Variants in XXYLT1 observed in about 807,000 individuals in gnomAD.
XXYLT1 encodes the protein UDP-xylose:alpha-xyloside alpha-1,3-xylosyltransferase.
Under a neutral mutation model 28.9 loss-of-function variants are expected in XXYLT1, and 20 were observed. The observed-to-expected ratio is 0.69, with a 90% CI of 0.49 to 1.00. The LOEUF (loss-of-function observed/expected upper bound fraction) is 1.00, where lower values mean the gene tolerates loss of function less well. XXYLT1 is among the 50% of genes least tolerant of loss of function. XXYLT1 has a pLI of 0.00. For synonymous variants in XXYLT1, 257 were observed against 253.8 expected, an observed-to-expected ratio of 1.01 and a Z score of -0.12; for missense variants, 542 against 560.1, an observed-to-expected ratio of 0.97 and a Z score of 0.33.
chr3:195,143,863 TAGATATAGATATATA>T (rs1560117255), intron 3 of XXYLT1, among the ~76,000 whole-genome samples: 4 of 98,398 alleles, frequency 4.1e-5, no homozygotes, highest in African/African-American at 8.0e-5. Context: ...TAGATATATA[TAGATATAGATATATA>T]TATATATATA....
At chr3:195,205,584 C>T (rs1560151343) in intron 2 of XXYLT1, among the ~76,000 whole-genome samples, 1 of 152,132 alleles carries the variant, frequency 6.6e-6, no homozygotes, top group African/African-American at 2.4e-5. Flanking sequence ...CTATCCTGGC[C>T]GGGCACGGTA....
At chr3:195,137,867 C>T (rs1342565234) in intron 3 of XXYLT1, among the ~76,000 whole-genome samples, 1 of 152,100 alleles carries the variant, frequency 6.6e-6, no homozygotes, top group Non-Finnish European at 1.5e-5. Context: ...GGTCATAAAC[C>T]CTTGCAGGTC....
At chr3:195,160,808 C>T (rs932005476) in intron 2 of XXYLT1, among the ~76,000 whole-genome samples, 1 of 152,216 alleles carries the variant, frequency 6.6e-6, no homozygotes, top group African/African-American at 2.4e-5. Context: ...CGCCCCGCGA[C>T]GCACAGACCC....
intron 3 of XXYLT1, among the ~76,000 whole-genome samples, chr3:195,112,034 A>ATAGT (rs1717745750): frequency 6.6e-6 from 1 of 152,204 alleles, no homozygotes; most frequent in East Asian, 1.9e-4. Context: ...ATCGCTGCAG[A>ATAGT]AATGTGCAAA....
Position 195,270,898 on chromosome 3 carries a change from C to T in XXYLT1, c.161G>A (p.Arg54Lys), listed in dbSNP as rs1240335933. The change falls in exon 1 of 4, where the codon AGG becomes AAG. Residue 54 changes from arginine (R) to lysine (K), a missense_variant. Arg to Lys is a conservative substitution (Grantham distance 26, BLOSUM62 2). Transcript: ENST00000310380. ...GRETFSSATK[R>K]LKEARAGAPA... ...AGCCCCGGCGCGGGCCTCCTTCAGCCTCTTGGTGGCGCTGGAGAAGGTCTC... is the reference window on the plus strand; with the variant it reads ...AGCCCCGGCGCGGGCCTCCTTCAGCTTCTTGGTGGCGCTGGAGAAGGTCTC... 2 of 1,473,556 alleles carry T rather than the reference C, an allele frequency of 1.4e-6. No individual in the cohort carries two copies. The highest frequency in any genetic ancestry group is 2.3e-4 in the Middle Eastern group (1 of 4,390). The allele number at this position is 1,473,556 out of a possible 1,614,324, so 91.3% of individuals were successfully genotyped here.
intron 2 of XXYLT1, among the ~76,000 whole-genome samples, chr3:195,224,791 T>C (rs1242033654): frequency 6.6e-6 from 1 of 152,162 alleles, no homozygotes; most frequent in Non-Finnish European, 1.5e-5. Context: ...AGAATGCAAG[T>C]TGAAACAGCT....
At chr3:195,095,134 A>T (rs745902919) in intron 3 of XXYLT1, among the ~76,000 whole-genome samples, 7 of 152,260 alleles carry the variant, frequency 4.6e-5, no homozygotes, top group Non-Finnish European at 7.3e-5. Flanking sequence ...ACTCTGAGTC[A>T]GGGAAAGTGT....
chr3:195,077,729 G>A lies in XXYLT1; in HGVS notation c.786-7618C>T, dbSNP rs935782676. Among the ~76,000 whole-genome samples, 3 of 152,200 alleles carry A rather than the reference G, an allele frequency of 2.0e-5. No individual in the cohort carries two copies. Among genetic ancestry groups the A allele is most frequent in the East Asian group, 1.9e-4 (1 of 5,190 alleles). On this transcript the variant is annotated intron_variant, in intron 3 of 3. Transcript: ENST00000310380. This position sits in a 1 kb window ranked among gnomAD's most constrained non-coding sequence, Gnocchi z 4.8. ...GCCCTTCAGCCCCCTGCAGGCGTCC[G>A]TTTCTCCAGAGCCCTGCAGAAGGGC...
intron 1 of XXYLT1, among the ~76,000 whole-genome samples, chr3:195,242,387 G>A (rs910312718): frequency 2.6e-5 from 4 of 152,182 alleles, no homozygotes; most frequent in Admixed American, 1.3e-4. Context: ...AGTAGGAGCT[G>A]TTGCCTCAAT....
intron 2 of XXYLT1, among the ~76,000 whole-genome samples, chr3:195,219,650 T>C (rs1382035402): frequency 1.3e-5 from 2 of 152,228 alleles, no homozygotes; most frequent in East Asian, 3.9e-4. Context: ...CAGTGTCAAC[T>C]ACCTGAATCT....
At chr3:195,260,199 G>C (rs897994729) in intron 1 of XXYLT1, 1 of 150,530 alleles carries the variant, frequency 6.6e-6, no homozygotes, top group African/African-American at 2.4e-5. Context: ...CAGACGCGGT[G>C]CAGCGGCGCC....
chr3:195,193,065 C>T (rs1415391042), intron 2 of XXYLT1, among the ~76,000 whole-genome samples: 2 of 152,132 alleles, frequency 1.3e-5, no homozygotes, highest in African/African-American at 4.8e-5. Flanking sequence ...GTGGGCAGAT[C>T]ACCTAAAGTC....
intron 3 of XXYLT1, among the ~76,000 whole-genome samples, chr3:195,089,366 A>G (rs1346250729): frequency 6.6e-6 from 1 of 152,164 alleles, no homozygotes; most frequent in East Asian, 1.9e-4. Context: ...AGTGGGGGCC[A>G]ATATTCAACA....
At position 195,176,613 on chromosome 3, in the gene XXYLT1, C is replaced by A. The variant is rs1265887865; in HGVS notation, c.653-20032G>T. On this transcript the variant is annotated intron_variant, in intron 2 of 3. Coordinates refer to ENST00000310380, the MANE Select transcript of XXYLT1 (RefSeq NM_152531.5). This position sits in a 1 kb window ranked among gnomAD's most constrained non-coding sequence, Gnocchi z 4.9. ...TTAAGCTCCCTAGCTTCTCCAGTTC[C>A]TCATGTTTGGAGATACATTGATGTT... 6.6e-6 allele frequency among the ~76,000 whole-genome samples: 1 copy of A among 152,188 alleles called. No homozygotes were observed. Among genetic ancestry groups the A allele is most frequent in the Non-Finnish European group, 1.5e-5 (1 of 68,048 alleles).
intron 3 of XXYLT1, among the ~76,000 whole-genome samples, chr3:195,088,278 G>T (rs372105416): frequency 0.048 from 7,051 of 146,780 alleles, 170 homozygotes; most frequent in Admixed American, 0.061. Flanking sequence ...CAGACTTAAA[G>T]GTCCCTGTCT....
intron 3 of XXYLT1, among the ~76,000 whole-genome samples, chr3:195,084,587 C>G (rs1715619995): frequency 6.6e-6 from 1 of 152,222 alleles, no homozygotes. Flanking sequence ...AAACCGTACT[C>G]TTTTCAGAGG....
rs1721258846 is a variant in XXYLT1, at chr3:195,168,903, C to T, written c.653-12322G>A. ...TCACAAAGTCTGAGCTCTTTTGCCTCAATGTGGTCCCTTTAAACAGGGCTT... is the reference window on the plus strand; with the variant it reads ...TCACAAAGTCTGAGCTCTTTTGCCTTAATGTGGTCCCTTTAAACAGGGCTT... On this transcript the variant is annotated intron_variant, in intron 2 of 3. Transcript: ENST00000310380. The surrounding 1 kb of genome is among the most constrained non-coding windows in gnomAD (Gnocchi z 4.3). Among the ~76,000 whole-genome samples the T allele has an allele frequency of 6.6e-6, 1 of 152,218 alleles. No homozygotes were observed. Among genetic ancestry groups the T allele is most frequent in the African/African-American group, 2.4e-5 (1 of 41,440 alleles).
At chr3:195,083,333 C>G (rs893000819) in intron 3 of XXYLT1, among the ~76,000 whole-genome samples, 4 of 152,142 alleles carry the variant, frequency 2.6e-5, no homozygotes, top group African/African-American at 9.7e-5. Context: ...CCTGACAGAA[C>G]CTCTCGAAAG....
At chr3:195,268,399 C>A (rs1023188672) in intron 1 of XXYLT1, among the ~76,000 whole-genome samples, 2 of 151,296 alleles carry the variant, frequency 1.3e-5, no homozygotes, top group Non-Finnish European at 2.9e-5. Flanking sequence ...CTGTTGCACT[C>A]CAGCCTGGGC....
Sources: allele counts gnomAD v4.1 joint callset (sites outside exome capture counted in the v4.1 genomes callset), GRCh38; gene constraint gnomAD v4.1.1; non-coding constraint Gnocchi (gnomAD v3.1); transcripts MANE v1.5; gene names NCBI Gene and HGNC (gene_info 2026-07-23, HGNC 2026-07-21).